ST7: variants seen among roughly 807,000 people sequenced by gnomAD.
The protein encoded by ST7 is suppression of tumorigenicity 7.
Under a neutral mutation model 78.7 loss-of-function variants are expected in ST7, and 28 were observed. The ratio of observed to expected loss-of-function variants is 0.36; its 90% CI spans 0.26 to 0.49. ST7 has a LOEUF of 0.49. ST7 is among the 20% of genes least tolerant of loss of function. The pLI, the probability that ST7 is intolerant of heterozygous loss-of-function variation, is 0.99. For missense variants in ST7, 418 were observed against 696.0 expected (o/e 0.60, Z 4.49); for synonymous variants, 247 against 249.6 (o/e 0.99, Z 0.10).
intron 1 of ST7, chr7:117,081,079 A>G (rs1584598279): frequency 6.6e-6 from 1 of 152,320 alleles, no homozygotes; most frequent in East Asian, 1.9e-4. Context: ...CACTCTAGGA[A>G]GAGAAAATAA....
chr7:117,043,041 G>T (rs1298414746), intron 1 of ST7, among the ~76,000 whole-genome samples: 1 of 151,980 alleles, frequency 6.6e-6, no homozygotes, highest in Non-Finnish European at 1.5e-5. Flanking sequence ...GAACCTCATT[G>T]CAACACATAA....
chr7:117,209,037 A>G (rs1168538630), intron 12 of ST7, among the ~76,000 whole-genome samples: 2 of 151,996 alleles, frequency 1.3e-5, no homozygotes, highest in Admixed American at 6.6e-5. Flanking sequence ...CTCCCTATCT[A>G]TCCTATAGTA....
chr7:117,179,704 G>T (rs187243501), intron 10 of ST7, among the ~76,000 whole-genome samples: 42 of 151,966 alleles, frequency 2.8e-4, no homozygotes, highest in Admixed American at 9.2e-4. Flanking sequence ...CTGGGGGTGT[G>T]GGGGGGTAGG....
chr7:117,011,156 A>ATG (rs922094067), intron 1 of ST7, among the ~76,000 whole-genome samples: 4 of 151,266 alleles, frequency 2.6e-5, no homozygotes, highest in Non-Finnish European at 4.4e-5. Context: ...GTGTGTGTTA[A>ATG]TGTGTGTGTG....
At chr7:116,999,175 C>G (rs1794811642) in intron 1 of ST7, among the ~76,000 whole-genome samples, 1 of 152,112 alleles carries the variant, frequency 6.6e-6, no homozygotes, top group South Asian at 2.1e-4. Flanking sequence ...ATCTTTCCTT[C>G]TTTCTTTTTT....
intron 1 of ST7, among the ~76,000 whole-genome samples, chr7:117,097,880 CTATATATA>C (rs373598650): frequency 0.012 from 132 of 10,602 alleles, 9 homozygotes; most frequent in African/African-American, 0.023. Flanking sequence ...TGACATATCA[CTATATATA>C]TATATATATA....
intron 1 of ST7, among the ~76,000 whole-genome samples, chr7:116,997,650 C>T (rs1794728295): frequency 1.3e-5 from 2 of 152,030 alleles, no homozygotes; most frequent in Admixed American, 6.5e-5. Flanking sequence ...ACACAGAGCA[C>T]TGATTGGTGC....
At chr7:116,986,431 G>A (rs781131461) in intron 1 of ST7, among the ~76,000 whole-genome samples, 13 of 152,164 alleles carry the variant, frequency 8.5e-5, no homozygotes, top group Non-Finnish European at 1.6e-4. Context: ...GAAAAATTCA[G>A]TTTCAGAAAG....
intron 1 of ST7, among the ~76,000 whole-genome samples, chr7:117,032,216 G>A (rs1235953309): frequency 2.0e-5 from 3 of 151,906 alleles, no homozygotes; most frequent in Admixed American, 1.3e-4. Flanking sequence ...AAAAAGAATG[G>A]TTTTGTACTT....
chr7:117,124,648 G>T (rs1257336639), intron 3 of ST7, among the ~76,000 whole-genome samples: 9 of 152,136 alleles, frequency 5.9e-5, no homozygotes, highest in Admixed American at 4.6e-4. Flanking sequence ...GACAGCTCGG[G>T]CTCTGGGGTC....
intron 5 of ST7, 84 bp downstream of exon 5, chr7:117,130,690 G>A (rs1376296203): frequency 2.2e-6 from 2 of 902,352 alleles, no homozygotes; most frequent in East Asian, 2.6e-5. Context: ...TATCCACTCT[G>A]TAAAACTCCA....
Position 117,145,510 on chromosome 7 carries a change from T to A in ST7, c.963+6978T>A, listed in dbSNP as rs560848773. On this transcript the variant is annotated intron_variant, in intron 9 of 15. Transcript: ENST00000323984. The stretch of plus-strand genomic sequence containing the variant: ...TCCAGCTTCTGGTGTTTGCTAGCAA[T>A]CTCTGACATTCCCTTGTAGCTGCAT... The A allele has an allele frequency of 2.0e-5, 3 of 152,340 alleles. No individual in the cohort carries two copies. In the East Asian group the frequency reaches 5.8e-4, roughly 29 times the overall value. The allele number at this position is 152,340 out of a possible 1,614,324, so 9.4% of individuals were successfully genotyped here.
At chr7:117,102,650 A>G (rs1045770463) in intron 2 of ST7, among the ~76,000 whole-genome samples, 60 of 152,304 alleles carry the variant, frequency 3.9e-4, no homozygotes, top group African/African-American at 1.4e-3. Context: ...AAGAAACTAT[A>G]TTAATATATT....
chr7:117,225,542 G>T (rs1312305934), intron 15 of ST7, among the ~76,000 whole-genome samples: 4 of 152,118 alleles, frequency 2.6e-5, no homozygotes, highest in Admixed American at 1.3e-4. Flanking sequence ...TGCCCCCAGA[G>T]TCTTCTCTGC....
At chr7:117,034,284 G>A (rs1181248576) in intron 1 of ST7, among the ~76,000 whole-genome samples, 1 of 152,080 alleles carries the variant, frequency 6.6e-6, no homozygotes, top group African/African-American at 2.4e-5. Context: ...CCTAGTAAAG[G>A]CTCAATGAAT....
intron 1 of ST7, among the ~76,000 whole-genome samples, chr7:117,097,568 C>T (rs1471839303): frequency 1.3e-5 from 2 of 151,640 alleles, no homozygotes; most frequent in East Asian, 1.9e-4. Context: ...AGGTGATCCA[C>T]CCACCTCGGC....
At chr7:116,956,895 T>G in intron 1 of ST7, 1 of 338,132 alleles carries the variant, frequency 3.0e-6, no homozygotes, top group Non-Finnish European at 5.7e-6. Flanking sequence ...CTGTGAGAGC[T>G]TCTCTTGAAT....
intron 1 of ST7, among the ~76,000 whole-genome samples, chr7:117,043,873 GT>G (rs1371516804): frequency 1.3e-5 from 2 of 152,160 alleles, no homozygotes; most frequent in Non-Finnish European, 2.9e-5. Context: ...ATTAATGCCT[GT>G]TTTGCCTGAA....
intron 1 of ST7, among the ~76,000 whole-genome samples, chr7:117,031,145 A>G (rs2116158294): frequency 6.6e-6 from 1 of 152,088 alleles, no homozygotes; most frequent in South Asian, 2.1e-4. Context: ...ATGAGAACAC[A>G]TGGACAGAAA....
Sources: gnomAD v4.1 joint callset for allele counts (sites outside exome capture counted in the v4.1 genomes callset) on GRCh38, gnomAD v4.1.1 for gene constraint, MANE v1.5 for transcripts, NCBI Gene and HGNC (gene_info 2026-07-23, HGNC 2026-07-21) for gene names.